Variants in HIPK1 observed in about 807,000 individuals in gnomAD.
HIPK1 encodes homeodomain interacting protein kinase 1.
Under a neutral mutation model 117.1 loss-of-function variants are expected in HIPK1, and 28 were observed. The observed-to-expected ratio is 0.24, with a 90% confidence interval of 0.18 to 0.33. The LOEUF (loss-of-function observed/expected upper bound fraction) is 0.33. Among genes scored for constraint, HIPK1 ranks in the 10% least tolerant of loss-of-function variants. HIPK1 has a pLI of 1.00. For missense variants in HIPK1, 1,122 were observed against 1,475.1 expected (o/e 0.76, Z 3.92); for synonymous variants, 605 against 562.5 (o/e 1.08, Z -1.07).
rs377329541 is a variant in HIPK1 at position 113,940,618 on chromosome 1, C to A, written c.235C>A (p.Pro79Thr). The change falls in exon 2 of 16, where the codon CCT (proline) becomes ACT (threonine). Residue 79 changes from proline (P) to threonine (T), a missense_variant. Physicochemically the swap from Pro to Thr is conservative, Grantham distance 38. Transcript: ENST00000426820. ...CGACCAGGGCCTCCTCCTCCCAGCTCCTGCAGTGGAGCATATTGTTGTAAC... is the reference window on the plus strand; with the variant it reads ...CGACCAGGGCCTCCTCCTCCCAGCTACTGCAGTGGAGCATATTGTTGTAAC... ...AYDQGLLLPA[P>T]AVEHIVVTAA... 1 of 1,614,100 alleles carries A rather than the reference C, an allele frequency of 6.2e-7. No homozygotes were observed. The highest frequency in any genetic ancestry group is 8.5e-7 in the Non-Finnish European group (1 of 1,180,052).
Position 113,941,311 on chromosome 1 carries a change from G to T in HIPK1, c.928G>T (p.Gly310Cys), listed in dbSNP as rs34335651. The T allele has an allele frequency of 6.2e-6, 10 of 1,614,218 alleles. No homozygotes were observed. The highest frequency in any genetic ancestry group is 1.7e-5 in the Admixed American group (1 of 60,034). Residue 310 changes from glycine to cysteine, a missense_variant, in exon 2 of 16, where the codon GGT (glycine) becomes TGT (cysteine). This residue lies in a region of HIPK1 where 62 missense variants were observed against 121.5 expected (regional missense o/e 0.51). Transcript: ENST00000426820. The surrounding 1 kb of genome is among the most constrained non-coding windows in gnomAD (Gnocchi z 4.9). ...ATALMKLKSL[G>C]LIHADLKPEN... ...AGCCTTGATGAAGCTCAAGAGTCTT[G>T]GTCTGATCCACGCTGACCTTAAGCC...
At chr1:113,944,191 G>A (rs147512175) in intron 2 of HIPK1, among the ~76,000 whole-genome samples, 9 of 24,904 alleles carry the variant, frequency 3.6e-4, no homozygotes, top group Non-Finnish European at 5.7e-4. Flanking sequence ...TTTTTTTTGA[G>A]ATGGAGTTTC....
intron 3 of HIPK1, chr1:113,953,903 C>G (rs1211208946): frequency 6.6e-6 from 1 of 151,972 alleles, no homozygotes; most frequent in Non-Finnish European, 1.5e-5. Context: ...CCAGTGTATC[C>G]TCAGCTCCTA....
At chr1:113,961,942 CAAAAAAAAAAA>C (rs957986733) in intron 8 of HIPK1, among the ~76,000 whole-genome samples, 7 of 32,322 alleles carry the variant, frequency 2.2e-4, no homozygotes, top group East Asian at 9.6e-4. Flanking sequence ...GACTCCATCT[CAAAAAAAAAAA>C]AAAAAAAAAA....
intron 13 of HIPK1, among the ~76,000 whole-genome samples, chr1:113,969,013 G>A (rs11102708): frequency 0.23 from 34,918 of 151,844 alleles, 4,119 homozygotes; most frequent in East Asian, 0.25. Context: ...GAGCAAGACT[G>A]CATCCCCTCC....
At chr1:113,965,584 A>AT (rs1035941672) in intron 10 of HIPK1, among the ~76,000 whole-genome samples, 4 of 152,072 alleles carry the variant, frequency 2.6e-5, no homozygotes, top group Non-Finnish European at 2.9e-5. Flanking sequence ...CTGGCATAAG[A>AT]TTTTTTCCCC....
rs375177672 is a variant in HIPK1 at position 113,956,115 on chromosome 1, C to A, written c.1407+466C>A. 7.5e-4 allele frequency among the ~76,000 whole-genome samples: 107 copies of A among 141,984 alleles called. 1 individual carries two copies. The highest frequency in any genetic ancestry group is 4.2e-3 in the Middle Eastern group (1 of 238). The allele number at this position is 141,984 out of a possible 152,430, so 93.1% of individuals were successfully genotyped here. The stretch of plus-strand genomic sequence containing the variant: ...TTTGAGACAGAGTCTCACTCTATTG[C>A]CCAGGCTGGAGTGCAGTGGCGTAAT... On this transcript the variant is annotated intron_variant, in intron 5 of 15. Coordinates refer to ENST00000426820, the MANE Select transcript of HIPK1 (RefSeq NM_198268.3).
chr1:113,929,981 C>T (rs1669740816), intron 1 of HIPK1: 1 of 985,322 alleles, frequency 1.0e-6, no homozygotes, highest in Non-Finnish European at 1.2e-6. Flanking sequence ...CGGGGAGCGA[C>T]TTCCCCTCAG....
intron 1 of HIPK1, among the ~76,000 whole-genome samples, chr1:113,933,535 C>T (rs1670041266): frequency 6.6e-6 from 1 of 151,068 alleles, no homozygotes; most frequent in Non-Finnish European, 1.5e-5. Flanking sequence ...TTAAAAGCTT[C>T]AGTTGAGAGG....
chr1:113,940,672 A>G lies in HIPK1; in HGVS notation c.289A>G (p.Thr97Ala), dbSNP rs780727751. 1.2e-6 allele frequency: 2 copies of G among 1,614,214 alleles called. No individual in the cohort carries two copies. The highest frequency in any genetic ancestry group is 1.7e-6 in the Non-Finnish European group (2 of 1,180,044). The change falls in exon 2 of 16, where the codon ACA becomes GCA. Residue 97 changes from threonine to alanine, a missense_variant. Around this residue, in one of 6 missense-constraint regions of HIPK1, gnomAD observed 192 missense variants for 234.0 expected, o/e 0.82. Transcript: ENST00000426820. ...TAADSSGSAA[T>A]STFQSSQTLT... ...CGCTGATAGCTCGGGCAGTGCTGCT[A>G]CATCAACCTTCCAAAGCAGCCAGAC...
chr1:113,959,774 T>C (rs1317393146), intron 8 of HIPK1, among the ~76,000 whole-genome samples: 1 of 152,164 alleles, frequency 6.6e-6, no homozygotes, highest in Non-Finnish European at 1.5e-5. Flanking sequence ...CTTAAAATTT[T>C]CCAAATGAAA....
chr1:113,965,524 T>C (rs1672386469), intron 10 of HIPK1, among the ~76,000 whole-genome samples: 1 of 152,246 alleles, frequency 6.6e-6, no homozygotes, highest in South Asian at 2.1e-4. Context: ...TTTTGCCTTA[T>C]TTTGAAATTC....
In HIPK1 at chr1:113,974,898, G is replaced by A. The variant is rs139242836; in HGVS notation, c.*1386G>A. 257 of 152,846 alleles carry A rather than the reference G, an allele frequency of 1.7e-3. 1 individual carries two copies. Among genetic ancestry groups the A allele is most frequent in the Non-Finnish European group, 2.9e-3 (196 of 68,024 alleles). The allele number at this position is 152,846 out of a possible 1,614,324, so 9.5% of individuals were successfully genotyped here. A position where few individuals can be genotyped will look rare whatever the true frequency, so the allele number is the denominator to read the frequency against. ...CTTAGTGTGTATGTGATCCTCCAGTGTTATCCCGGAGATGGATTGATGTCT... is the reference window on the plus strand; with the variant it reads ...CTTAGTGTGTATGTGATCCTCCAGTATTATCCCGGAGATGGATTGATGTCT... On this transcript the variant is annotated 3_prime_UTR_variant, in exon 16 of 16. Transcript: ENST00000426820.
chr1:113,954,975 T>C (rs1034562009), intron 4 of HIPK1, among the ~76,000 whole-genome samples: 2 of 152,244 alleles, frequency 1.3e-5, no homozygotes, highest in African/African-American at 4.8e-5. Flanking sequence ...TGGCTGAGGT[T>C]ATTTTGTATA....
At position 113,977,372 on chromosome 1, in the gene HIPK1, T is replaced by C. The variant is rs1673192044; in HGVS notation, c.*3860T>C. On this transcript the variant is annotated 3_prime_UTR_variant, in exon 16 of 16. Transcript: ENST00000426820. The stretch of plus-strand genomic sequence containing the variant: ...GTAGCAGTACATTATATGTACATTA[T>C]ATGTAATGTTAGTATTTCTGCTTTG... 1 of 152,814 alleles carries C rather than the reference T, an allele frequency of 6.5e-6. No individual in the cohort carries two copies. Among genetic ancestry groups the C allele is most frequent in the Non-Finnish European group, 1.5e-5 (1 of 68,048 alleles). The allele number at this position is 152,814 out of a possible 1,614,324, so 9.5% of individuals were successfully genotyped here.
In HIPK1 at chr1:113,941,116, A is replaced by G; in HGVS notation, c.733A>G (p.Asn245Asp). 1 of 1,614,252 alleles carries G rather than the reference A, an allele frequency of 6.2e-7. No individual in the cohort carries two copies. The highest frequency in any genetic ancestry group is 1.1e-5 in the South Asian group (1 of 91,084). The part of the protein sequence containing the change: ...VSILSRLSSE[N>D]ADEYNFVRSY... ...CATCCTTTCCCGCCTAAGCAGTGAA[A>G]ATGCTGATGAGTATAATTTTGTCCG... Residue 245 changes from asparagine to aspartate, a missense_variant, in exon 2 of 16, where the codon AAT becomes GAT. By Grantham distance (23) the Asn-to-Asp change is conservative. Around this residue, in one of 6 missense-constraint regions of HIPK1, gnomAD observed 62 missense variants for 121.5 expected, o/e 0.51. Transcript: ENST00000426820. The surrounding 1 kb of genome is among the most constrained non-coding windows in gnomAD (Gnocchi z 4.9).
intron 14 of HIPK1, 56 bp from the exon 15 acceptor site, chr1:113,971,768 T>G: frequency 1.3e-6 from 2 of 1,550,036 alleles, no homozygotes; most frequent in Non-Finnish European, 1.7e-6. Flanking sequence ...TATGATGCCA[T>G]CTGAGGTTAG....
Position 113,966,095 on chromosome 1 carries a change from A to G in HIPK1, c.2239-35A>G, listed in dbSNP as rs369848632. ...CAGAAGAAAAAGCCAAGAATGAATC[A>G]AGTCTGGATGTTTTTTATGTGTGTT... On this transcript the variant is annotated intron_variant, in intron 10 of 15. Transcript: ENST00000426820. 2.5e-6 allele frequency: 4 copies of G among 1,582,682 alleles called. No individual in the cohort carries two copies. The African/African-American group carries it at 5.5e-5, about 22-fold the overall frequency.
intron 10 of HIPK1, 123 bp downstream of exon 10, chr1:113,963,644 T>G: frequency 8.6e-7 from 1 of 1,157,906 alleles, no homozygotes; most frequent in African/African-American, 1.5e-5. Flanking sequence ...TTTTTTAGCT[T>G]AGTCTTTGCA....
Sources: allele counts gnomAD v4.1 joint callset (sites outside exome capture counted in the v4.1 genomes callset), GRCh38; gene constraint gnomAD v4.1.1; regional missense constraint gnomAD v4.1.1; non-coding constraint Gnocchi (gnomAD v3.1); transcripts MANE v1.5; gene names NCBI Gene and HGNC (gene_info 2026-07-23, HGNC 2026-07-21).